Variants in SPRED2 observed in about 807,000 individuals in gnomAD.
SPRED2 encodes sprouty-related, EVH1 domain-containing protein 2.
In SPRED2, 47 loss-of-function variants were observed where a neutral mutation model predicts 43.0. That is an observed-to-expected ratio of 1.09 (90% CI 0.87 to 1.40). SPRED2 has a LOEUF of 1.40. Among genes scored for constraint, SPRED2 ranks in the 40% most tolerant of loss-of-function variants. SPRED2 has a pLI of 0.00. For missense variants in SPRED2, 561 were observed against 586.4 expected (o/e 0.96, Z 0.45); for synonymous variants, 225 against 225.7 (o/e 1.00, Z 0.03).
intron 1 of SPRED2, among the ~76,000 whole-genome samples, chr2:65,359,218 A>C (rs1196937780): frequency 6.6e-6 from 1 of 152,162 alleles, no homozygotes; most frequent in Non-Finnish European, 1.5e-5. Flanking sequence ...CTACAAGCGC[A>C]ATTTCCTTCC....
chr2:65,308,241 G>T, downstream of SPRED2: 1 of 929,856 alleles, frequency 1.1e-6, no homozygotes, highest in Non-Finnish European at 1.3e-6. Context: ...TGGAGACAGT[G>T]CTCTGACCCA....
chr2:65,334,562 C>A, intron 3 of SPRED2, 43 bp downstream of exon 3: 2 of 1,593,842 alleles, frequency 1.3e-6, no homozygotes, highest in Non-Finnish European at 1.7e-6. Flanking sequence ...TAATTTGGAA[C>A]ATTTCCATAG....
Position 65,313,321 on chromosome 2 carries a change from A to G in SPRED2, c.*180T>C, listed in dbSNP as rs1572825955. The G allele has an allele frequency of 1.4e-6, 2 of 1,440,508 alleles. No individual in the cohort carries two copies. The highest frequency in any genetic ancestry group is 2.9e-5 in the Admixed American group (1 of 34,552). The allele number at this position is 1,440,508 out of a possible 1,614,324, so 89.2% of individuals were successfully genotyped here. A position where few individuals can be genotyped will look rare whatever the true frequency, so the allele number is the denominator to read the frequency against. The stretch of plus-strand genomic sequence containing the variant: ...CTGCTGCAGTGTGGGCGGCAGGGGG[A>G]GTGGAGAGTCTACCCGGCAGCGTCC... On this transcript the variant is annotated 3_prime_UTR_variant, in exon 6 of 6. Transcript: ENST00000356388.
At position 65,313,983 on chromosome 2, in the gene SPRED2, C is replaced by T; in HGVS notation, c.775G>A (p.Val259Ile). Residue 259 changes from valine (V) to isoleucine (I), a missense_variant, in exon 6 of 6, where the codon GTC becomes ATC. Physicochemically the swap from Val to Ile is conservative, Grantham distance 29. Coordinates refer to ENST00000356388, the MANE Select transcript of SPRED2 (RefSeq NM_181784.3). ...GGGTAGTTGTAGTCATGCTTGGGGACCTCGCCCTTGGCGAAGCGCACGTAG... is the reference window on the plus strand; with the variant it reads ...GGGTAGTTGTAGTCATGCTTGGGGATCTCGCCCTTGGCGAAGCGCACGTAG... Reference protein sequence around the residue: ...SSYVRFAKGEVPKHDYNYPYV... With the variant: ...SSYVRFAKGEIPKHDYNYPYV... The T allele has an allele frequency of 6.2e-7, 1 of 1,613,366 alleles. No individual in the cohort carries two copies. Among genetic ancestry groups the T allele is most frequent in the South Asian group, 1.1e-5 (1 of 91,084 alleles).
At chr2:65,333,441 T>C (rs1421228056) in intron 3 of SPRED2, among the ~76,000 whole-genome samples, 5 of 152,062 alleles carry the variant, frequency 3.3e-5, no homozygotes, top group Non-Finnish European at 4.4e-5. Context: ...GTCTCTACTC[T>C]GAATTACTCC....
chr2:65,354,764 G>T (rs923915979), intron 1 of SPRED2, among the ~76,000 whole-genome samples: 1 of 152,228 alleles, frequency 6.6e-6, no homozygotes, highest in African/African-American at 2.4e-5. Context: ...AAAGGTTAAG[G>T]TTGTTCAACC....
intron 1 of SPRED2, among the ~76,000 whole-genome samples, chr2:65,421,835 A>G (rs1676430381): frequency 1.3e-5 from 2 of 152,218 alleles, no homozygotes; most frequent in Non-Finnish European, 2.9e-5. Context: ...AGCTATTCAG[A>G]TAACACAATT....
intron 1 of SPRED2, among the ~76,000 whole-genome samples, chr2:65,424,847 G>A (rs1388483905): frequency 6.6e-6 from 1 of 152,074 alleles, no homozygotes; most frequent in Admixed American, 6.6e-5. Context: ...AGCTACTCAG[G>A]AGGCCAAGGC....
In SPRED2 at chr2:65,334,741, C is replaced by T; in HGVS notation, c.237G>A (p.Leu79=). 2 of 1,614,178 alleles carry T rather than the reference C, an allele frequency of 1.2e-6. No individual in the cohort carries two copies. The highest frequency in any genetic ancestry group is 2.7e-5 in the African/African-American group (2 of 75,038). Residue 79 remains leucine, a synonymous_variant, in exon 3 of 6, where the codon TTG becomes TTA. Transcript: ENST00000356388. Reference sequence around the variant, plus strand: ...ACGTTGGATTGGCTTTGGTGTAGACCAAGTCCTTTCTTACATAGCATTCCA... The same window carrying T: ...ACGTTGGATTGGCTTTGGTGTAGACTAAGTCCTTTCTTACATAGCATTCCA... The part of the protein sequence containing the change: ...VVLECYVRKD[L]VYTKANPTFH...
chr2:65,354,926 T>G (rs1320690925), intron 1 of SPRED2, among the ~76,000 whole-genome samples: 1 of 152,248 alleles, frequency 6.6e-6, no homozygotes, highest in Non-Finnish European at 1.5e-5. Context: ...CTTGTCAATA[T>G]GTTCTTCTTG....
intron 1 of SPRED2, among the ~76,000 whole-genome samples, chr2:65,429,305 C>T (rs1244766768): frequency 6.6e-6 from 1 of 152,138 alleles, no homozygotes; most frequent in East Asian, 1.9e-4. Flanking sequence ...TATATCTTTC[C>T]TAGGTCTCCA....
At chr2:65,387,479 T>C (rs1039764) in intron 1 of SPRED2, among the ~76,000 whole-genome samples, 67,481 of 151,978 alleles carry the variant, frequency 0.44, 15,351 homozygotes, top group African/African-American at 0.52. Flanking sequence ...CTAAATATAT[T>C]CAATTCTGAT....
intron 1 of SPRED2, among the ~76,000 whole-genome samples, chr2:65,410,993 G>A (rs17535123): frequency 0.12 from 17,927 of 152,224 alleles, 1,574 homozygotes; most frequent in Non-Finnish European, 0.17. Context: ...TTTGTTCGAG[G>A]TGCCTTCACT....
chr2:65,425,194 C>G (rs182497403), intron 1 of SPRED2, among the ~76,000 whole-genome samples: 10 of 152,082 alleles, frequency 6.6e-5, no homozygotes, highest in Non-Finnish European at 1.5e-5. Flanking sequence ...ATAAATGGAC[C>G]ACAGGAAATA....
chr2:65,339,564 A>C (rs1020033640), intron 2 of SPRED2, among the ~76,000 whole-genome samples: 14 of 151,002 alleles, frequency 9.3e-5, no homozygotes, highest in Non-Finnish European at 1.6e-4. Context: ...CCCTAATCTC[A>C]AGTACCCAGG....
Position 65,330,852 on chromosome 2 carries a change from G to C in SPRED2, c.438+1135C>G, listed in dbSNP as rs555162657. On this transcript the variant is annotated intron_variant, in intron 4 of 5. Coordinates refer to ENST00000356388, the MANE Select transcript of SPRED2 (RefSeq NM_181784.3). Reference sequence around the variant, plus strand: ...TATCTGTGTGTGTATAAGCTCACACGCTTGCACAGATCAAGCAAATGTGCC... The same window carrying C: ...TATCTGTGTGTGTATAAGCTCACACCCTTGCACAGATCAAGCAAATGTGCC... Among the ~76,000 whole-genome samples the C allele has an allele frequency of 5.3e-5, 8 of 152,272 alleles. 1 individual carries two copies. The highest frequency in any genetic ancestry group is 1.9e-4 in the African/African-American group (8 of 41,554).
At chr2:65,359,635 A>C (rs10193337) in intron 1 of SPRED2, among the ~76,000 whole-genome samples, 13,754 of 152,190 alleles carry the variant, frequency 0.09, 1,169 homozygotes, top group African/African-American at 0.21. Flanking sequence ...TGTGGTGGTT[A>C]AAGACCACTG....
intron 1 of SPRED2, among the ~76,000 whole-genome samples, chr2:65,356,734 G>C (rs1367802290): frequency 6.6e-6 from 1 of 151,956 alleles, no homozygotes; most frequent in Non-Finnish European, 1.5e-5. Flanking sequence ...GTTCATGCCT[G>C]TTATCCCAGC....
chr2:65,344,028 TC>T (rs1177248394), intron 2 of SPRED2, among the ~76,000 whole-genome samples: 2 of 150,160 alleles, frequency 1.3e-5, no homozygotes, highest in East Asian at 3.9e-4. Context: ...GCACCTGTAG[TC>T]CCAGCTACTC....
Sources: gnomAD v4.1 joint callset for allele counts (sites outside exome capture counted in the v4.1 genomes callset) on GRCh38, gnomAD v4.1.1 for gene constraint, MANE v1.5 for transcripts, NCBI Gene and HGNC (gene_info 2026-07-23, HGNC 2026-07-21) for gene names.